Variants in SLC22A23 observed in about 807,000 individuals in gnomAD.
The protein encoded by SLC22A23 is ion transporter protein.
A neutral mutation model predicts 61.0 loss-of-function variants in SLC22A23; 26 were observed. The ratio of observed to expected loss-of-function variants is 0.43; its 90% CI spans 0.31 to 0.59. The LOEUF is 0.59. Among genes scored for constraint, SLC22A23 ranks in the 20% least tolerant of loss-of-function variants. SLC22A23 has a pLI of 0.11. For synonymous variants in SLC22A23, 430 were observed against 413.9 expected (o/e 1.04, Z -0.47); for missense variants, 796 against 934.7 (o/e 0.85, Z 1.94).
rs1238719295 is a variant in SLC22A23, at chr6:3,386,017, C to A, written c.913+24171G>T. On this transcript the variant is annotated intron_variant, in intron 3 of 9. Coordinates refer to ENST00000406686, the MANE Select transcript of SLC22A23 (RefSeq NM_015482.2). The surrounding 1 kb of genome is among the most constrained non-coding windows in gnomAD (Gnocchi z 4.4). ...AGCCCCGCATTTGAGCAGGACGCTGCCAGATGTGACACATCTCACTCTAAA... is the reference window on the plus strand; with the variant it reads ...AGCCCCGCATTTGAGCAGGACGCTGACAGATGTGACACATCTCACTCTAAA... 6.6e-6 allele frequency among the ~76,000 whole-genome samples: 1 copy of A among 152,210 alleles called. No homozygotes were observed. The highest frequency in any genetic ancestry group is 2.4e-5 in the African/African-American group (1 of 41,460).
At chr6:3,367,186 C>A (rs1205632956) in intron 3 of SLC22A23, among the ~76,000 whole-genome samples, 3 of 152,192 alleles carry the variant, frequency 2.0e-5, no homozygotes, top group African/African-American at 7.2e-5. Flanking sequence ...GAGGTTATAA[C>A]TGCATTAGTG....
At chr6:3,376,907 G>C (rs1162445255) in intron 3 of SLC22A23, among the ~76,000 whole-genome samples, 1 of 152,078 alleles carries the variant, frequency 6.6e-6, no homozygotes, top group Non-Finnish European at 1.5e-5. Context: ...ATAGAATGTG[G>C]CTATGCAAAT....
intron 1 of SLC22A23, among the ~76,000 whole-genome samples, chr6:3,443,602 A>G (rs1343090851): frequency 1.3e-5 from 2 of 152,188 alleles, no homozygotes; most frequent in Non-Finnish European, 2.9e-5. Context: ...ATTACCCTCA[A>G]TTAATTGCCA....
rs181936655 is a variant in SLC22A23, at chr6:3,323,821, A to G, written c.1082+13T>C. 2.5e-4 allele frequency: 403 copies of G among 1,610,986 alleles called. No homozygotes were observed. In the African/African-American group the frequency reaches 4.9e-3, roughly 20 times the overall value. On this transcript the variant is annotated intron_variant, in intron 4 of 9. Coordinates refer to ENST00000406686, the MANE Select transcript of SLC22A23 (RefSeq NM_015482.2). ...GTCGCACCAGCCCAGGGCGCTGTGC[A>G]GAGTGTACTCACGACCAGTAGAGCA...
chr6:3,381,384 C>T (rs988597251), intron 3 of SLC22A23, among the ~76,000 whole-genome samples: 1 of 152,198 alleles, frequency 6.6e-6, no homozygotes, highest in Non-Finnish European at 1.5e-5. Context: ...CCTAGGACAC[C>T]TTTTGTCTAT....
In SLC22A23 at chr6:3,297,249, A is replaced by G. The variant is rs1254743869; in HGVS notation, c.1210+842T>C. On this transcript the variant is annotated intron_variant, in intron 5 of 9. Transcript: ENST00000406686. This position sits in a 1 kb window ranked among gnomAD's most constrained non-coding sequence, Gnocchi z 4.3. ...ATCATGATCACAAGCATTTCTGGTC[A>G]GGGGGGAAAATGAGCATATTCTCTC... Among the ~76,000 whole-genome samples, 4 of 152,312 alleles carry G rather than the reference A, an allele frequency of 2.6e-5. No homozygotes were observed. In the East Asian group the frequency reaches 7.7e-4, roughly 29 times the overall value.
intron 4 of SLC22A23, chr6:3,312,527 ACCT>A (rs1255283363): frequency 1.3e-5 from 2 of 152,010 alleles, no homozygotes; most frequent in Non-Finnish European, 2.9e-5. Flanking sequence ...CCTCCTACTC[ACCT>A]CCTAATGAAA....
chr6:3,283,560 T>TC (rs1019800874), intron 9 of SLC22A23: 10 of 391,968 alleles, frequency 2.6e-5, no homozygotes, highest in East Asian at 5.7e-5. Context: ...TCCGCTGCAC[T>TC]CCCCCCCTTG....
intron 5 of SLC22A23, 100 bp from the exon 6 acceptor site, chr6:3,289,966 G>T: frequency 9.4e-6 from 6 of 636,856 alleles, no homozygotes; most frequent in Admixed American, 2.4e-5. Context: ...GGGTACCACA[G>T]AAGGGAGAGA....
At chr6:3,450,304 A>G (rs370739644) in intron 1 of SLC22A23, among the ~76,000 whole-genome samples, 121 of 152,322 alleles carry the variant, frequency 7.9e-4, no homozygotes, top group African/African-American at 2.8e-3. Flanking sequence ...TAGTCAGTTC[A>G]GTATTTTATT....
chr6:3,271,679 G>A lies in SLC22A23; in HGVS notation c.*1376C>T, dbSNP rs1758483852. 1.3e-5 allele frequency: 2 copies of A among 152,356 alleles called. No individual in the cohort carries two copies. Among genetic ancestry groups the A allele is most frequent in the South Asian group, 4.1e-4 (2 of 4,836 alleles). The allele number at this position is 152,356 out of a possible 1,614,324, so 9.4% of individuals were successfully genotyped here. On this transcript the variant is annotated 3_prime_UTR_variant, in exon 10 of 10. Coordinates refer to ENST00000406686, the MANE Select transcript of SLC22A23 (RefSeq NM_015482.2). ...AAGCTGGTGCCCAAGTTGCTACAAA[G>A]TGGTGCCTGCCCTTGCCAAGGAGGC...
At chr6:3,294,564 T>C (rs903495361) in intron 5 of SLC22A23, among the ~76,000 whole-genome samples, 1 of 152,204 alleles carries the variant, frequency 6.6e-6, no homozygotes, top group Non-Finnish European at 1.5e-5. Context: ...GTGCCGTGTG[T>C]GGCACTCATC....
chr6:3,447,613 G>A (rs915176296), intron 1 of SLC22A23, among the ~76,000 whole-genome samples: 2 of 126,968 alleles, frequency 1.6e-5, no homozygotes, highest in Admixed American at 9.5e-5. Context: ...GTCTGAGACA[G>A]AGTCTTGCTC....
chr6:3,379,974 T>C (rs1173333491), intron 3 of SLC22A23, among the ~76,000 whole-genome samples: 2 of 152,158 alleles, frequency 1.3e-5, no homozygotes, highest in African/African-American at 2.4e-5. Flanking sequence ...TGTGTGTGTG[T>C]GTGCACGTGC....
At chr6:3,352,217 G>A (rs554960897) in intron 3 of SLC22A23, among the ~76,000 whole-genome samples, 8 of 152,048 alleles carry the variant, frequency 5.3e-5, no homozygotes, top group African/African-American at 1.7e-4. Flanking sequence ...TGAAAACCAC[G>A]TACACGGACA....
Position 3,297,691 on chromosome 6 carries a change from G to A in SLC22A23, c.1210+400C>T, listed in dbSNP as rs574011463. On this transcript the variant is annotated intron_variant, in intron 5 of 9. Coordinates refer to ENST00000406686, the MANE Select transcript of SLC22A23 (RefSeq NM_015482.2). The surrounding 1 kb of genome is among the most constrained non-coding windows in gnomAD (Gnocchi z 4.3). ...AGGTCATGGCCAGGTAAAGACAATG[G>A]TGGCTCTCTGAAGGTCATGCTCAGG... Among the ~76,000 whole-genome samples, 11 of 152,306 alleles carry A rather than the reference G, an allele frequency of 7.2e-5. No individual in the cohort carries two copies. Among genetic ancestry groups the A allele is most frequent in the Non-Finnish European group, 1.5e-4 (10 of 68,036 alleles).
At chr6:3,428,654 T>C (rs1230374644) in intron 1 of SLC22A23, among the ~76,000 whole-genome samples, 1 of 152,080 alleles carries the variant, frequency 6.6e-6, no homozygotes, top group Non-Finnish European at 1.5e-5. Context: ...CAAAGGCAAA[T>C]AGACAGCAAA....
At chr6:3,348,621 G>C (rs556178872) in intron 3 of SLC22A23, among the ~76,000 whole-genome samples, 2 of 152,144 alleles carry the variant, frequency 1.3e-5, no homozygotes, top group Non-Finnish European at 1.5e-5. Flanking sequence ...TTCCCGGCAC[G>C]GAGCTGGGTG....
chr6:3,289,903 C>T (rs748937795), intron 5 of SLC22A23, 37 bp from the exon 6 acceptor site: 150 of 1,579,404 alleles, frequency 9.5e-5, no homozygotes, highest in East Asian at 1.1e-4. Flanking sequence ...CTGGGCAGGC[C>T]GCCCACAGAG....
Sources: allele counts gnomAD v4.1 joint callset (sites outside exome capture counted in the v4.1 genomes callset), GRCh38; gene constraint gnomAD v4.1.1; non-coding constraint Gnocchi (gnomAD v3.1); transcripts MANE v1.5; gene names NCBI Gene and HGNC (gene_info 2026-07-23, HGNC 2026-07-21).